ANO4: variants seen among roughly 807,000 people sequenced by gnomAD.
The protein encoded by ANO4 is anoctamin-4.
In ANO4, 69 loss-of-function variants were observed where a neutral mutation model predicts 141.9. The observed-to-expected ratio is 0.49, with a 90% CI of 0.40 to 0.59. The LOEUF (loss-of-function observed/expected upper bound fraction) is 0.59. Among genes scored for constraint, ANO4 ranks in the 20% least tolerant of loss-of-function variants. ANO4 has a pLI of 0.00. For missense variants in ANO4, 894 were observed against 1,162.2 expected, an observed-to-expected ratio of 0.77 and a Z score of 3.36; for synonymous variants, 350 against 394.3, an observed-to-expected ratio of 0.89 and a Z score of 1.33.
intron 9 of ANO4, 125 bp from the exon 10 acceptor site, chr12:101,036,970 G>T: frequency 1.3e-6 from 1 of 759,842 alleles, no homozygotes; most frequent in Non-Finnish European, 2.0e-6. Flanking sequence ...TCTAACTCTT[G>T]GTGCCCCTAA....
intron 2 of ANO4, among the ~76,000 whole-genome samples, chr12:100,905,058 C>T (rs2040774626): frequency 6.6e-6 from 1 of 152,058 alleles, no homozygotes. Flanking sequence ...GAGAAGGCTG[C>T]AAGAGAAGCA....
intron 1 of ANO4, among the ~76,000 whole-genome samples, chr12:100,863,127 C>A (rs1032560231): frequency 1.1e-4 from 17 of 150,568 alleles, no homozygotes; most frequent in African/African-American, 4.3e-4. Flanking sequence ...GCATGCTTGG[C>A]AACTTCAAAG....
At chr12:100,888,312 C>T (rs925792587) in intron 1 of ANO4, among the ~76,000 whole-genome samples, 4 of 152,110 alleles carry the variant, frequency 2.6e-5, no homozygotes, top group African/African-American at 9.7e-5. Flanking sequence ...AACAAACAAA[C>T]AGATTTTAAT....
At chr12:101,076,315 G>T (rs879381055) in intron 14 of ANO4, among the ~76,000 whole-genome samples, 2 of 152,096 alleles carry the variant, frequency 1.3e-5, no homozygotes, top group Admixed American at 1.3e-4. Flanking sequence ...CAGCTGGCAG[G>T]TGCCATCTAA....
At chr12:100,864,654 G>A (rs966384417) in intron 1 of ANO4, among the ~76,000 whole-genome samples, 2 of 152,004 alleles carry the variant, frequency 1.3e-5, no homozygotes, top group East Asian at 1.9e-4. Context: ...TATTGTGTGC[G>A]TTCAGTAAAG....
rs565959324 is a variant in ANO4 at position 101,036,700 on chromosome 12, A to G, written c.842-395A>G. ...GGTTGCCAGGCCCTGGGGATGGGGA[A>G]CATGGGGAGGTGTTGATCAAAGAGT... is the stretch of plus-strand genomic sequence containing the variant. On this transcript the variant is annotated intron_variant, in intron 9 of 27. Coordinates refer to ENST00000392977, the MANE Select transcript of ANO4 (RefSeq NM_001286615.2). Among the ~76,000 whole-genome samples, 4 of 152,258 alleles carry G rather than the reference A, an allele frequency of 2.6e-5. No homozygotes were observed. In the South Asian group the frequency reaches 8.3e-4, roughly 32 times the overall value.
intron 3 of ANO4, among the ~76,000 whole-genome samples, chr12:100,741,121 T>TA (rs1183361788): frequency 2.0e-5 from 3 of 152,234 alleles, no homozygotes; most frequent in African/African-American, 7.2e-5. Context: ...TAATTGTTTT[T>TA]ATTTCTAAAA....
upstream of ANO4, among the ~76,000 whole-genome samples, chr12:100,791,662 A>G (rs1395417840): frequency 1.3e-5 from 2 of 152,154 alleles, no homozygotes; most frequent in African/African-American, 4.8e-5. Flanking sequence ...ATTTAGTCTA[A>G]AAGCATTCTT....
chr12:101,110,582 A>T (rs2050624889), intron 23 of ANO4, 26 bp downstream of exon 23: 10 of 1,523,438 alleles, frequency 6.6e-6, no homozygotes, highest in African/African-American at 2.8e-5. Context: ...GTATGTTTTT[A>T]AAAAACATAT....
intron 8 of ANO4, among the ~76,000 whole-genome samples, chr12:100,988,187 C>T (rs1592936147): frequency 6.6e-6 from 1 of 152,148 alleles, no homozygotes; most frequent in Non-Finnish European, 1.5e-5. Context: ...AGTCATCTGT[C>T]AGATTGTCTC....
intron 4 of ANO4, among the ~76,000 whole-genome samples, chr12:100,940,884 T>A (rs1344772099): frequency 6.6e-6 from 1 of 152,200 alleles, no homozygotes; most frequent in African/African-American, 2.4e-5. Flanking sequence ...AGAGCCTGGA[T>A]GAAAATTCAA....
intron 1 of ANO4, among the ~76,000 whole-genome samples, chr12:100,885,235 G>A (rs1828891): frequency 0.27 from 41,797 of 152,020 alleles, 6,015 homozygotes; most frequent in East Asian, 0.54. Context: ...ATATTCACAG[G>A]TTCCAGAGAT....
chr12:100,878,905 C>A (rs1438324848), intron 1 of ANO4, among the ~76,000 whole-genome samples: 1 of 152,140 alleles, frequency 6.6e-6, no homozygotes, highest in Non-Finnish European at 1.5e-5. Context: ...TCTAAGCCTT[C>A]AGATCTCAAA....
chr12:101,102,723 T>C (rs1194445899), intron 22 of ANO4, among the ~76,000 whole-genome samples: 6 of 152,136 alleles, frequency 3.9e-5, no homozygotes, highest in African/African-American at 1.4e-4. Flanking sequence ...ATTGTTGCCA[T>C]ATAAGTTTTA....
chr12:101,019,452 T>C (rs2046436193), intron 8 of ANO4, among the ~76,000 whole-genome samples: 1 of 152,108 alleles, frequency 6.6e-6, no homozygotes, highest in African/African-American at 2.4e-5. Flanking sequence ...GGGCACTTGC[T>C]GGGAGGCAAA....
intron 1 of ANO4, among the ~76,000 whole-genome samples, chr12:100,730,227 C>T (rs2031325970): frequency 6.6e-6 from 1 of 152,260 alleles, no homozygotes; most frequent in East Asian, 1.9e-4. Flanking sequence ...ATTGATTCAG[C>T]AAATTCCACA....
intron 14 of ANO4, among the ~76,000 whole-genome samples, chr12:101,054,742 C>T (rs948032147): frequency 5.3e-5 from 8 of 152,254 alleles, no homozygotes; most frequent in South Asian, 2.1e-4. Context: ...CCTTGTGATC[C>T]GCCCGCCTTG....
At chr12:100,752,151 A>G (rs562244186) in intron 3 of ANO4, among the ~76,000 whole-genome samples, 1 of 152,184 alleles carries the variant, frequency 6.6e-6, no homozygotes, top group Non-Finnish European at 1.5e-5. Flanking sequence ...ATTCTAGCCC[A>G]TGGATTCCTT....
At chr12:101,119,797 G>A (rs1484531994) in intron 25 of ANO4, among the ~76,000 whole-genome samples, 3 of 152,192 alleles carry the variant, frequency 2.0e-5, no homozygotes, top group African/African-American at 7.2e-5. Flanking sequence ...GGGCTTCATA[G>A]TGGATTTATG....
Sources: gnomAD v4.1 joint callset for allele counts (sites outside exome capture counted in the v4.1 genomes callset) on GRCh38, gnomAD v4.1.1 for gene constraint, MANE v1.5 for transcripts, NCBI Gene and HGNC (gene_info 2026-07-23, HGNC 2026-07-21) for gene names.